UIMC1: variants seen among roughly 807,000 people sequenced by gnomAD.
UIMC1 encodes the protein ubiquitin interaction motif containing 1, also known as BRCA1-A complex subunit RAP80.
Under a neutral mutation model 84.9 loss-of-function variants are expected in UIMC1, and 42 were observed. The ratio of observed to expected loss-of-function variants is 0.49; its 90% CI spans 0.39 to 0.64. The LOEUF (loss-of-function observed/expected upper bound fraction) is 0.64. UIMC1 is among the 30% of genes least tolerant of loss of function. The probability of loss-of-function intolerance (pLI) is 0.00; values close to 1 mark genes in which losing one functional copy is unlikely to be tolerated. For synonymous variants in UIMC1, 281 were observed against 293.0 expected (o/e 0.96, Z 0.42); for missense variants, 825 against 847.6 (o/e 0.97, Z 0.33).
At chr5:176,925,712 AATATC>A (rs1344786839) in intron 10 of UIMC1, among the ~76,000 whole-genome samples, 2 of 152,220 alleles carry the variant, frequency 1.3e-5, no homozygotes, top group Non-Finnish European at 2.9e-5. Context: ...CAAACTGCAG[AATATC>A]ATATAAGCAG....
At chr5:176,986,711 T>C (rs1772079718) in intron 1 of UIMC1, among the ~76,000 whole-genome samples, 1 of 152,074 alleles carries the variant, frequency 6.6e-6, no homozygotes, top group South Asian at 2.1e-4. Flanking sequence ...CATGGTGGCA[T>C]GCCTGTGGTC....
At chr5:177,018,750 G>T (rs1301683303) in intron 1 of UIMC1, among the ~76,000 whole-genome samples, 2 of 152,210 alleles carry the variant, frequency 1.3e-5, no homozygotes, top group African/African-American at 2.4e-5. Flanking sequence ...CAGACCCTCA[G>T]CAGGGTAGCT....
chr5:176,987,175 G>A (rs371681848), intron 1 of UIMC1, among the ~76,000 whole-genome samples: 2 of 151,998 alleles, frequency 1.3e-5, no homozygotes, highest in Non-Finnish European at 1.5e-5. Context: ...ACCCAAGATC[G>A]TGCCATTGGC....
chr5:176,940,549 A>T (rs1764283527), intron 10 of UIMC1, among the ~76,000 whole-genome samples: 3 of 152,158 alleles, frequency 2.0e-5, no homozygotes, highest in Admixed American at 6.6e-5. Context: ...TCAGCCCCAG[A>T]ATTCTTTTAG....
At chr5:176,942,575 T>C (rs985357704) in intron 10 of UIMC1, among the ~76,000 whole-genome samples, 3 of 145,670 alleles carry the variant, frequency 2.1e-5, no homozygotes, top group Non-Finnish European at 3.1e-5. Context: ...ACCCCATCTC[T>C]ACTAAAAAAA....
chr5:177,022,383 A>T, intron 1 of UIMC1: 1 of 232,588 alleles, frequency 4.3e-6, no homozygotes, highest in Non-Finnish European at 8.4e-6. Context: ...TCTGGGCCTC[A>T]GTTTCCCTGT....
chr5:176,971,939 G>A (rs1320595067), intron 3 of UIMC1, among the ~76,000 whole-genome samples: 1 of 152,136 alleles, frequency 6.6e-6, no homozygotes, highest in Admixed American at 6.5e-5. Context: ...ACAACTGTAA[G>A]TTCATACTAA....
chr5:177,007,873 G>A (rs567124085), upstream of UIMC1, among the ~76,000 whole-genome samples: 34 of 152,182 alleles, frequency 2.2e-4, no homozygotes, highest in Non-Finnish European at 4.1e-4. Flanking sequence ...GGGGGGCCAA[G>A]GTAGGCAGAT....
intron 3 of UIMC1, among the ~76,000 whole-genome samples, chr5:176,972,691 A>G (rs183491882): frequency 0.011 from 1,635 of 152,184 alleles, 10 homozygotes; most frequent in South Asian, 0.025. Flanking sequence ...AGCCAAGATC[A>G]CGCAACTGCG....
intron 6 of UIMC1, among the ~76,000 whole-genome samples, chr5:176,965,551 G>A (rs1768165827): frequency 6.6e-6 from 1 of 152,104 alleles, no homozygotes; most frequent in Non-Finnish European, 1.5e-5. Flanking sequence ...CAAACTCCCA[G>A]GCTCAAATGA....
intron 10 of UIMC1, among the ~76,000 whole-genome samples, chr5:176,916,445 G>C (rs888915221): frequency 6.6e-6 from 1 of 152,198 alleles, no homozygotes; most frequent in Non-Finnish European, 1.5e-5. Flanking sequence ...GTATTGCCTT[G>C]TGGTGAAGGG....
At chr5:176,911,184 G>T in intron 11 of UIMC1, 127 bp downstream of exon 11, 1 of 569,374 alleles carries the variant, frequency 1.8e-6, no homozygotes, top group Non-Finnish European at 2.9e-6. Flanking sequence ...AGAAAATTCA[G>T]GCATCCAAGC....
chr5:176,956,917 C>T (rs542353116), intron 7 of UIMC1, among the ~76,000 whole-genome samples: 2 of 152,090 alleles, frequency 1.3e-5, no homozygotes, highest in African/African-American at 4.8e-5. Context: ...CCCAGCCAGA[C>T]AGTTTACTCT....
chr5:176,972,637 G>C (rs188933395), intron 3 of UIMC1, among the ~76,000 whole-genome samples: 1,844 of 152,188 alleles, frequency 0.012, 9 homozygotes, highest in South Asian at 0.025. Context: ...TCGGGAGGCT[G>C]AGGTAGGAGA....
At chr5:176,923,900 GACACAC>G (rs35583665) in intron 10 of UIMC1, among the ~76,000 whole-genome samples, 13,698 of 145,584 alleles carry the variant, frequency 0.094, 1,256 homozygotes, top group African/African-American at 0.24. Flanking sequence ...CACACACACA[GACACAC>G]ACACACACAC....
Position 176,954,437 on chromosome 5 carries a change from C to T in UIMC1, c.1339+1522G>A, listed in dbSNP as rs117528483. On this transcript the variant is annotated intron_variant, in intron 8 of 14. Coordinates refer to ENST00000511320, the MANE Select transcript of UIMC1 (RefSeq NM_001199298.2). ...TTCAAATGAATTAAGGAGCCACTTT[C>T]AATAAAAACCAACATAGGCTGAGCA... Among the ~76,000 whole-genome samples the T allele has an allele frequency of 1.6e-4, 24 of 152,140 alleles. 1 individual carries two copies. In the East Asian group the frequency reaches 4.6e-3, roughly 29 times the overall value.
intron 2 of UIMC1, among the ~76,000 whole-genome samples, chr5:176,979,371 C>A (rs916922926): frequency 2.6e-5 from 4 of 152,108 alleles, no homozygotes; most frequent in African/African-American, 9.7e-5. Flanking sequence ...GTAATCCCAA[C>A]ACTTTGGGGT....
intron 1 of UIMC1, among the ~76,000 whole-genome samples, chr5:177,016,331 T>C (rs891462809): frequency 3.4e-5 from 5 of 149,214 alleles, no homozygotes; most frequent in Admixed American, 2.7e-4. Flanking sequence ...GTAATTGCCC[T>C]CCAACCTGGA....
At chr5:176,948,594 C>A (rs1218040336) in intron 9 of UIMC1, among the ~76,000 whole-genome samples, 1 of 152,208 alleles carries the variant, frequency 6.6e-6, no homozygotes, top group Non-Finnish European at 1.5e-5. Flanking sequence ...ATGTCTGTCT[C>A]CTCCCTTACC....
Sources: gnomAD v4.1 joint callset for allele counts (sites outside exome capture counted in the v4.1 genomes callset) on GRCh38, gnomAD v4.1.1 for gene constraint, MANE v1.5 for transcripts, NCBI Gene and HGNC (gene_info 2026-07-23, HGNC 2026-07-21) for gene names.